ADAM10: variants seen among roughly 807,000 people sequenced by gnomAD.
The protein encoded by ADAM10 is disintegrin and metalloproteinase domain-containing protein 10.
A neutral mutation model predicts 90.1 loss-of-function variants in ADAM10; 17 were observed. The observed-to-expected ratio is 0.19, with a 90% CI of 0.13 to 0.28. ADAM10 has a LOEUF of 0.28. ADAM10 is among the 10% of genes least tolerant of loss of function. The pLI, the probability that ADAM10 is intolerant of heterozygous loss-of-function variation, is 1.00. For synonymous variants in ADAM10, 310 were observed against 298.6 expected, an observed-to-expected ratio of 1.04 and a Z score of -0.40; for missense variants, 610 against 914.3, an observed-to-expected ratio of 0.67 and a Z score of 4.29.
At chr15:58,718,958 G>A (rs1268830923) in intron 1 of ADAM10, among the ~76,000 whole-genome samples, 3 of 152,144 alleles carry the variant, frequency 2.0e-5, no homozygotes, top group Non-Finnish European at 2.9e-5. Context: ...GCAGAAAGCT[G>A]GCACAATCGA....
At chr15:58,692,242 G>T (rs1897838154) in intron 2 of ADAM10, 2 of 593,400 alleles carry the variant, frequency 3.4e-6, no homozygotes, top group African/African-American at 1.9e-5. Flanking sequence ...ACCTTCTACA[G>T]GGAATTGCTT....
chr15:58,733,910 T>TAC (rs1206916558), intron 1 of ADAM10, among the ~76,000 whole-genome samples: 3 of 150,036 alleles, frequency 2.0e-5, no homozygotes, highest in African/African-American at 7.3e-5. Context: ...TTACATTATA[T>TAC]ATATATATAT....
In ADAM10 at chr15:58,592,033, TC is replaced by T. The variant is rs1894835041; in HGVS notation, c.*5513del. 1 of 152,194 alleles carries T rather than the reference TC, an allele frequency of 6.6e-6. No homozygotes were observed. Among genetic ancestry groups the T allele is most frequent in the African/African-American group, 2.4e-5 (1 of 41,438 alleles). The allele number at this position is 152,194 out of a possible 1,614,324, so 9.4% of individuals were successfully genotyped here. On this transcript the variant is annotated 3_prime_UTR_variant, in exon 16 of 16. Transcript: ENST00000260408. Reference sequence around the variant, plus strand: ...CCATATGTCTTGTAGTTTTCCAGAGTCTGGATTTTGCTGATTGAGTCCCTTG... The same window carrying T: ...CCATATGTCTTGTAGTTTTCCAGAGTTGGATTTTGCTGATTGAGTCCCTTG...
intron 5 of ADAM10, among the ~76,000 whole-genome samples, chr15:58,653,081 T>C (rs911670372): frequency 2.0e-5 from 3 of 152,222 alleles, no homozygotes; most frequent in Non-Finnish European, 4.4e-5. Flanking sequence ...CCTGCAACTT[T>C]ACTGTATTTG....
At chr15:58,708,875 G>A (rs1595642313) in intron 2 of ADAM10, among the ~76,000 whole-genome samples, 1 of 152,168 alleles carries the variant, frequency 6.6e-6, no homozygotes, top group Non-Finnish European at 1.5e-5. Context: ...TATCAAAAAT[G>A]TATGTCAACC....
intron 4 of ADAM10, among the ~76,000 whole-genome samples, chr15:58,674,972 G>A (rs1275788115): frequency 2.6e-5 from 4 of 152,292 alleles, no homozygotes; most frequent in South Asian, 2.1e-4. Flanking sequence ...GGCGGATCAC[G>A]AGGTCAAGAG....
chr15:58,641,064 T>C, intron 7 of ADAM10, 104 bp from the exon 8 acceptor site: 5 of 1,127,056 alleles, frequency 4.4e-6, no homozygotes, highest in East Asian at 2.5e-5. Context: ...TATGCTCCCA[T>C]GGAAATCAGG....
intron 14 of ADAM10, among the ~76,000 whole-genome samples, chr15:58,600,100 G>T (rs929545208): frequency 6.9e-6 from 1 of 145,928 alleles, no homozygotes; most frequent in Non-Finnish European, 1.5e-5. Context: ...TTTAAATATT[G>T]CCTTTGTTTT....
chr15:58,737,874 C>A (rs1899481321), intron 1 of ADAM10, among the ~76,000 whole-genome samples: 1 of 152,128 alleles, frequency 6.6e-6, no homozygotes, highest in African/African-American at 2.4e-5. Flanking sequence ...AAGAATAACT[C>A]TCTGATAGTG....
intron 2 of ADAM10, among the ~76,000 whole-genome samples, chr15:58,711,625 A>C (rs1280845383): frequency 2.0e-5 from 3 of 152,222 alleles, no homozygotes; most frequent in African/African-American, 7.2e-5. Context: ...CAACTCTATC[A>C]AAGACAGTCA....
chr15:58,671,210 G>A (rs1179847026), intron 4 of ADAM10, among the ~76,000 whole-genome samples: 1 of 152,128 alleles, frequency 6.6e-6, no homozygotes, highest in Non-Finnish European at 1.5e-5. Context: ...GAAGTCTCTA[G>A]AAGCTAAAAC....
intron 1 of ADAM10, chr15:58,749,022 G>A: frequency 2.5e-6 from 1 of 399,222 alleles, no homozygotes; most frequent in Non-Finnish European, 4.4e-6. Flanking sequence ...TTCGGAATCC[G>A]CCACCGGGCA....
At chr15:58,651,490 A>G (rs1197448894) in intron 5 of ADAM10, among the ~76,000 whole-genome samples, 3 of 152,132 alleles carry the variant, frequency 2.0e-5, no homozygotes, top group African/African-American at 7.2e-5. Context: ...AGCTCCTACA[A>G]ATAAGTGAGA....
At chr15:58,647,246 GTATT>G (rs1226889588) in intron 5 of ADAM10, among the ~76,000 whole-genome samples, 2 of 36,850 alleles carry the variant, frequency 5.4e-5, no homozygotes, top group Admixed American at 5.7e-4. Flanking sequence ...TAGACACTAA[GTATT>G]TTTTTTTTTT....
At chr15:58,646,446 T>C (rs536304786) in intron 5 of ADAM10, among the ~76,000 whole-genome samples, 89 of 152,336 alleles carry the variant, frequency 5.8e-4, no homozygotes, top group Middle Eastern at 3.4e-3. Context: ...TTTTAATATG[T>C]ATTCATTTAA....
In ADAM10 at chr15:58,589,061, G is replaced by A. The variant is rs1894772730; in HGVS notation, c.*8486C>T. On this transcript the variant is annotated 3_prime_UTR_variant, in exon 16 of 16. Coordinates refer to ENST00000260408, the MANE Select transcript of ADAM10 (RefSeq NM_001110.4). ...TATGTTAAAAGTTAAAAATACAGCT[G>A]TTGGTAATGTGTTGTAATGAAACTA... The A allele has an allele frequency of 6.6e-6, 1 of 152,172 alleles. No individual in the cohort carries two copies. Among genetic ancestry groups the A allele is most frequent in the Non-Finnish European group, 1.5e-5 (1 of 68,028 alleles). The allele number at this position is 152,172 out of a possible 1,614,324, so 9.4% of individuals were successfully genotyped here. A position where few individuals can be genotyped will look rare whatever the true frequency, so the allele number is the denominator to read the frequency against.
chr15:58,627,437 C>G (rs1392319726), intron 10 of ADAM10, among the ~76,000 whole-genome samples: 1 of 152,114 alleles, frequency 6.6e-6, no homozygotes, highest in Non-Finnish European at 1.5e-5. Context: ...GAACTATAAA[C>G]AATATTGAAC....
intron 2 of ADAM10, among the ~76,000 whole-genome samples, chr15:58,685,090 C>T (rs1210986815): frequency 1.3e-5 from 2 of 148,486 alleles, no homozygotes; most frequent in Admixed American, 1.4e-4. Flanking sequence ...TAACTGTATA[C>T]TACAAAGCTG....
chr15:58,733,932 T>C (rs1899345806), intron 1 of ADAM10, among the ~76,000 whole-genome samples: 1 of 150,482 alleles, frequency 6.6e-6, no homozygotes, highest in South Asian at 2.1e-4. Context: ...AAAATAATAT[T>C]ACACTAAGGC....
Sources: gnomAD v4.1 joint callset for allele counts (sites outside exome capture counted in the v4.1 genomes callset) on GRCh38, gnomAD v4.1.1 for gene constraint, MANE v1.5 for transcripts, NCBI Gene and HGNC (gene_info 2026-07-23, HGNC 2026-07-21) for gene names.